EPHA2: variants seen among roughly 807,000 people sequenced by gnomAD.
EPHA2 encodes ephrin type-A receptor 2.
A neutral mutation model predicts 104.9 loss-of-function variants in EPHA2; 54 were observed. The ratio of observed to expected loss-of-function variants is 0.51; its 90% CI spans 0.41 to 0.65. The LOEUF is 0.65. EPHA2 is among the 30% of genes least tolerant of loss of function. The probability of loss-of-function intolerance (pLI) is 0.00; values close to 1 mark genes in which losing one functional copy is unlikely to be tolerated. For missense variants in EPHA2, 1,117 were observed against 1,369.5 expected (o/e 0.82, Z 2.91); for synonymous variants, 560 against 559.1 (o/e 1.00, Z -0.02).
rs557194943 is a variant in EPHA2, at chr1:16,124,522, A to T, written c.*693T>A. 6.6e-6 allele frequency: 1 copy of T among 152,460 alleles called. No individual in the cohort carries two copies. Among genetic ancestry groups the T allele is most frequent in the African/African-American group, 2.4e-5 (1 of 41,470 alleles). 9.4% of individuals were successfully genotyped at this position (152,460 alleles called of 1,614,324 possible). On this transcript the variant is annotated 3_prime_UTR_variant, in exon 17 of 17. Transcript: ENST00000358432. ...GGGCCGACTGGGGCATGGGCAGGAC[A>T]CTCCTGCAGCACCGGTCCCTGAGTC...
chr1:16,146,611 G>A (rs984418432), intron 3 of EPHA2, among the ~76,000 whole-genome samples: 6 of 152,244 alleles, frequency 3.9e-5, no homozygotes, highest in Non-Finnish European at 7.3e-5. Context: ...GGGAAGGGGG[G>A]CTCGCTCAGC....
chr1:16,141,828 A>G (rs1454880182), intron 3 of EPHA2, among the ~76,000 whole-genome samples: 1 of 152,248 alleles, frequency 6.6e-6, no homozygotes, highest in Non-Finnish European at 1.5e-5. Context: ...CGGATGTGCC[A>G]GATAATACAG....
rs1455196585 is a variant in EPHA2, at chr1:16,135,552, G to T, written c.1428+103C>A. Reference sequence around the variant, plus strand: ...GCCTCAGTTTCCCCATCTGCAGAAGGGTGCTTCTTCAGATGGCTGGGTGGT... The same window carrying T: ...GCCTCAGTTTCCCCATCTGCAGAAGTGTGCTTCTTCAGATGGCTGGGTGGT... On this transcript the variant is annotated intron_variant, in intron 6 of 16. Coordinates refer to ENST00000358432, the MANE Select transcript of EPHA2 (RefSeq NM_004431.5). The surrounding 1 kb of genome is among the most constrained non-coding windows in gnomAD (Gnocchi z 4.3). 1.8e-6 allele frequency: 2 copies of T among 1,120,624 alleles called. No homozygotes were observed. Among genetic ancestry groups the T allele is most frequent in the Middle Eastern group, 1.9e-4 (1 of 5,188 alleles). 69.4% of individuals were successfully genotyped at this position (1,120,624 alleles called of 1,614,324 possible).
rs758416217 is a variant in EPHA2 at position 16,137,964 on chromosome 1, C to T, written c.1201G>A (p.Asp401Asn). The change falls in exon 5 of 17, where the codon GAC becomes AAC. Residue 401 changes from aspartate to asparagine, a missense_variant. By Grantham distance (23) the Asp-to-Asn change is conservative (BLOSUM62 1). This residue lies in a region of EPHA2 where 664 missense variants were observed against 784.8 expected (regional missense o/e 0.85). Coordinates refer to ENST00000358432, the MANE Select transcript of EPHA2 (RefSeq NM_004431.5). ...GLTRTSVTVSDLEPHMNYTFT... is the reference protein window; with the variant it reads ...GLTRTSVTVSNLEPHMNYTFT... ...GTGTAGTTCATGTGGGGCTCCAGGT[C>T]GCTCACTGTCACACTGGTGCGGGTC... 5.6e-6 allele frequency: 9 copies of T among 1,614,166 alleles called. No homozygotes were observed. The highest frequency in any genetic ancestry group is 1.3e-5 in the African/African-American group (1 of 75,074).
Position 16,131,948 on chromosome 1 carries a change from C to T in EPHA2, c.2326-78G>A. 1 of 1,599,116 alleles carries T rather than the reference C, an allele frequency of 6.3e-7. No individual in the cohort carries two copies. The highest frequency in any genetic ancestry group is 1.1e-5 in the South Asian group (1 of 89,858). On this transcript the variant is annotated intron_variant, in intron 13 of 16. Transcript: ENST00000358432. The surrounding 1 kb of genome is among the most constrained non-coding windows in gnomAD (Gnocchi z 5.2). ...CCATTGCAGCCAAGCCCCACGACCC[C>T]TCCCTGGACTCCTACAGGTGTTCTG...
At chr1:16,139,659 T>C (rs2024785608) in intron 3 of EPHA2, among the ~76,000 whole-genome samples, 1 of 152,114 alleles carries the variant, frequency 6.6e-6, no homozygotes, top group Non-Finnish European at 1.5e-5. Context: ...AGAGGCTGCA[T>C]AGGAGTTCAG....
rs1055677710 is a variant in EPHA2, at chr1:16,150,573, TG to T, written c.153+322del. Among the ~76,000 whole-genome samples, 1 of 152,182 alleles carries T rather than the reference TG, an allele frequency of 6.6e-6. No homozygotes were observed. Among genetic ancestry groups the T allele is most frequent in the Non-Finnish European group, 1.5e-5 (1 of 68,012 alleles). On this transcript the variant is annotated intron_variant, in intron 2 of 16. Coordinates refer to ENST00000358432, the MANE Select transcript of EPHA2 (RefSeq NM_004431.5). This position sits in a 1 kb window ranked among gnomAD's most constrained non-coding sequence, Gnocchi z 4.8. ...AACCCCTTCCCTCCCAAGAGGTGGA[TG>T]GGTGGTGCCAGAGATCCCTCTGACT...
rs569783259 is a variant in EPHA2 at position 16,131,649 on chromosome 1, C to T, written c.2475+72G>A. ...TCATCTAAACTGTCCTCTGCCCAGC[C>T]CCTGCAGTTTGAGATGAGTAAAGGG... is the stretch of plus-strand genomic sequence containing the variant. On this transcript the variant is annotated intron_variant, in intron 14 of 16. Transcript: ENST00000358432. This position sits in a 1 kb window ranked among gnomAD's most constrained non-coding sequence, Gnocchi z 5.2. The T allele has an allele frequency of 2.7e-5, 43 of 1,598,762 alleles. No homozygotes were observed. In the Admixed American group the frequency reaches 5.0e-4, roughly 19 times the overall value.
intron 1 of EPHA2, 30 bp downstream of exon 1, chr1:16,155,818 G>T (rs1413571029): frequency 2.7e-5 from 37 of 1,384,816 alleles, no homozygotes; most frequent in Non-Finnish European, 3.3e-5. Flanking sequence ...GGGCCCGGGG[G>T]CCAGGGGTCC....
Position 16,125,475 on chromosome 1 carries a change from G to A in EPHA2, c.2826-155C>T, listed in dbSNP as rs1201843774. 2.0e-5 allele frequency among the ~76,000 whole-genome samples: 3 copies of A among 152,074 alleles called. No individual in the cohort carries two copies. The highest frequency in any genetic ancestry group is 1.9e-4 in the East Asian group (1 of 5,188). ...GGTGCCTTGGGGACCTGTAGGGCAA[G>A]AGAGCTCTGGTTAGGTAGGCCTGGG... On this transcript the variant is annotated intron_variant, in intron 16 of 16. Coordinates refer to ENST00000358432, the MANE Select transcript of EPHA2 (RefSeq NM_004431.5). The surrounding 1 kb of genome is among the most constrained non-coding windows in gnomAD (Gnocchi z 4.9).
chr1:16,151,656 GA>G (rs2025039771), intron 1 of EPHA2, among the ~76,000 whole-genome samples: 1 of 152,174 alleles, frequency 6.6e-6, no homozygotes, highest in African/African-American at 2.4e-5. Context: ...GGGCCCCTAA[GA>G]GGGGCCCAAA....
At chr1:16,141,607 G>A (rs1427333981) in intron 3 of EPHA2, among the ~76,000 whole-genome samples, 1 of 152,238 alleles carries the variant, frequency 6.6e-6, no homozygotes, top group Non-Finnish European at 1.5e-5. Flanking sequence ...GGCCAGGCAG[G>A]GGCCATAAAC....
At position 16,124,943 on chromosome 1, in the gene EPHA2, G is replaced by T; in HGVS notation, c.*272C>A. 2.0e-6 allele frequency: 1 copy of T among 496,366 alleles called. No individual in the cohort carries two copies. The highest frequency in any genetic ancestry group is 3.7e-6 in the Non-Finnish European group (1 of 270,742). 30.7% of individuals were successfully genotyped at this position (496,366 alleles called of 1,614,324 possible). A position where few individuals can be genotyped will look rare whatever the true frequency, so the allele number is the denominator to read the frequency against. ...CATATGTCTGTCCGAAGGCTGTGGC[G>T]GGGCTCCTGCTCCAGGGATGCTGGG... is the stretch of plus-strand genomic sequence containing the variant. On this transcript the variant is annotated 3_prime_UTR_variant, in exon 17 of 17. Coordinates refer to ENST00000358432, the MANE Select transcript of EPHA2 (RefSeq NM_004431.5).
In EPHA2 at chr1:16,125,086, C is replaced by G; in HGVS notation, c.*129G>C. 5 of 857,556 alleles carry G rather than the reference C, an allele frequency of 5.8e-6. No individual in the cohort carries two copies. The East Asian group carries it at 1.3e-4, about 23-fold the overall frequency. 53.1% of individuals were successfully genotyped at this position (857,556 alleles called of 1,614,324 possible). On this transcript the variant is annotated 3_prime_UTR_variant, in exon 17 of 17. Coordinates refer to ENST00000358432, the MANE Select transcript of EPHA2 (RefSeq NM_004431.5). This position sits in a 1 kb window ranked among gnomAD's most constrained non-coding sequence, Gnocchi z 4.9. The stretch of plus-strand genomic sequence containing the variant: ...CAGGGTGTCATCCGAGACCCCTCAG[C>G]GGAAGTTGCAGGGGGAGGAAAGAAC...
Position 16,131,597 on chromosome 1 carries a change from A to T in EPHA2, c.2475+124T>A. The T allele has an allele frequency of 7.3e-7, 1 of 1,373,734 alleles. No individual in the cohort carries two copies. The highest frequency in any genetic ancestry group is 9.9e-7 in the Non-Finnish European group (1 of 1,012,830). 85.1% of individuals were successfully genotyped at this position (1,373,734 alleles called of 1,614,324 possible). ...CTCCGTCTCCAAAAAAAAAAAATAA[A>T]CATTTATGGAGCAAGCCTAAGAAGG... On this transcript the variant is annotated intron_variant, in intron 14 of 16. Coordinates refer to ENST00000358432, the MANE Select transcript of EPHA2 (RefSeq NM_004431.5). The surrounding 1 kb of genome is among the most constrained non-coding windows in gnomAD (Gnocchi z 5.2).
chr1:16,147,119 A>G (rs1310694340), intron 3 of EPHA2, among the ~76,000 whole-genome samples: 1 of 152,246 alleles, frequency 6.6e-6, no homozygotes, highest in East Asian at 1.9e-4. Flanking sequence ...ATTGCTGTGG[A>G]GATTTCCGCT....
rs2024583180 is a variant in EPHA2 at position 16,132,215 on chromosome 1, G to C, written c.2174C>G (p.Ala725Gly). ...QLVGMLRGIA[A>G]GMKYLANMNY... ...CATGTTGGCCAGGTACTTCATGCCA[G>C]CTGCGATGCCCCGCAGCATGCCCAC... is the stretch of plus-strand genomic sequence containing the variant. Residue 725 changes from alanine (A) to glycine (G), a missense_variant, in exon 13 of 17, where the codon GCT becomes GGT. By Grantham distance (60) the Ala-to-Gly change is moderately conservative. Around this residue, in one of 3 missense-constraint regions of EPHA2, gnomAD observed 340 missense variants for 480.5 expected, o/e 0.71. Coordinates refer to ENST00000358432, the MANE Select transcript of EPHA2 (RefSeq NM_004431.5). The C allele has an allele frequency of 6.2e-7, 1 of 1,614,080 alleles. No homozygotes were observed. The highest frequency in any genetic ancestry group is 8.5e-7 in the Non-Finnish European group (1 of 1,180,042).
chr1:16,148,912 C>T lies in EPHA2; in HGVS notation c.289G>A (p.Glu97Lys), dbSNP rs2024985923. ...YRGEAERIFI[E>K]LKFTVRDCNS... ...CAGTCACGTACAGTAAACTTGAGCT[C>T]AATGAAGATACGCTCAGCCTCTCCT... The change falls in exon 3 of 17, where the codon GAG becomes AAG. Residue 97 changes from glutamate to lysine, a missense_variant. Glu to Lys is a moderately conservative substitution (Grantham distance 56). Around this residue, in one of 3 missense-constraint regions of EPHA2, gnomAD observed 664 missense variants for 784.8 expected, o/e 0.85. Coordinates refer to ENST00000358432, the MANE Select transcript of EPHA2 (RefSeq NM_004431.5). The surrounding 1 kb of genome is among the most constrained non-coding windows in gnomAD (Gnocchi z 4.9). 1 of 1,614,160 alleles carries T rather than the reference C, an allele frequency of 6.2e-7. No homozygotes were observed. Among genetic ancestry groups the T allele is most frequent in the Non-Finnish European group, 8.5e-7 (1 of 1,180,042 alleles).
Position 16,130,296 on chromosome 1 carries a change from T to C in EPHA2, c.2599A>G (p.Ile867Val), listed in dbSNP as rs1044969836. Reference sequence around the variant, plus strand: ...ATGAGCTTGTCCAGGATGCTGACGATGTCAGCGAACTTGGGGCGGCGGGCA... The same window carrying C: ...ATGAGCTTGTCCAGGATGCTGACGACGTCAGCGAACTTGGGGCGGCGGGCA... ...ERARRPKFAD[I>V]VSILDKLIRA... Residue 867 changes from isoleucine to valine, a missense_variant, in exon 15 of 17, where the codon ATC becomes GTC. By Grantham distance (29) the Ile-to-Val change is conservative. Coordinates refer to ENST00000358432, the MANE Select transcript of EPHA2 (RefSeq NM_004431.5). This position sits in a 1 kb window ranked among gnomAD's most constrained non-coding sequence, Gnocchi z 4.5. 1.1e-5 allele frequency: 17 copies of C among 1,612,552 alleles called. No individual in the cohort carries two copies. The highest frequency in any genetic ancestry group is 1.3e-5 in the African/African-American group (1 of 75,006).
Sources: allele counts gnomAD v4.1 joint callset (sites outside exome capture counted in the v4.1 genomes callset), GRCh38; gene constraint gnomAD v4.1.1; regional missense constraint gnomAD v4.1.1; non-coding constraint Gnocchi (gnomAD v3.1); transcripts MANE v1.5; gene names NCBI Gene and HGNC (gene_info 2026-07-23, HGNC 2026-07-21).